The following APBA3 variants were observed in gnomAD, a reference collection of about 807,000 sequenced individuals.
APBA3 encodes amyloid beta precursor protein binding family A member 3.
A neutral mutation model predicts 55.9 loss-of-function variants in APBA3; 45 were observed. The observed-to-expected ratio is 0.80, with a 90% CI of 0.63 to 1.03. The LOEUF (loss-of-function observed/expected upper bound fraction) is 1.03, where lower values mean the gene tolerates loss of function less well. APBA3 is among the 50% of genes least tolerant of loss of function. The pLI is 0.00. For missense variants in APBA3, 865 were observed against 820.3 expected (o/e 1.05, Z -0.67); for synonymous variants, 370 against 353.3 (o/e 1.05, Z -0.53).
In APBA3 at chr19:3,759,865, G is replaced by C. The variant is rs1225459972; in HGVS notation, c.400C>G (p.Pro134Ala). Residue 134 changes from proline to alanine, a missense_variant, in exon 2 of 11, where the codon CCT (proline) becomes GCT (alanine). Coordinates refer to ENST00000316757, the MANE Select transcript of APBA3 (RefSeq NM_004886.4). Reference protein sequence around the residue: ...SQTGPEEPLEPAPRLLQPPED... With the variant: ...SQTGPEEPLEAAPRLLQPPED... ...GGGGGCTGCAACAGTCGGGGGGCAG[G>C]CTCTAGAGGCTCTTCAGGACCAGTC... 1 of 1,612,420 alleles carries C rather than the reference G, an allele frequency of 6.2e-7. No individual in the cohort carries two copies. The highest frequency in any genetic ancestry group is 1.3e-5 in the African/African-American group (1 of 75,006).
At chr19:3,753,171 C>T (rs540080688) in intron 6 of APBA3, 181 bp from the exon 7 acceptor site, 32 of 683,902 alleles carry the variant, frequency 4.7e-5, no homozygotes, top group African/African-American at 2.7e-4. Flanking sequence ...GGGGAATCTA[C>T]GGGGAGAAGG....
At chr19:3,759,483 T>A in intron 3 of APBA3, 78 bp downstream of exon 3, 1 of 1,396,328 alleles carries the variant, frequency 7.2e-7, no homozygotes, top group Non-Finnish European at 9.9e-7. Context: ...ACTGGCAAGC[T>A]GTTGCCAGGC....
chr19:3,751,281 C>T lies in APBA3; in HGVS notation c.1564G>A (p.Val522Ile), dbSNP rs1179290424. The change falls in exon 10 of 11, where the codon GTC (valine) becomes ATC (isoleucine). Residue 522 changes from valine to isoleucine, a missense_variant. Val to Ile is a conservative substitution (Grantham distance 29). Coordinates refer to ENST00000316757, the MANE Select transcript of APBA3 (RefSeq NM_004886.4). ...GGIAERGGIR[V>I]GHRIIEINGQ... ...TTGATCTCAATGATGCGGTGGCCGA[C>T]GCGGATGCCCCCACGCTCGGCGATG... 28 of 1,542,420 alleles carry T rather than the reference C, an allele frequency of 1.8e-5. No individual in the cohort carries two copies. The highest frequency in any genetic ancestry group is 5.5e-5 in the African/African-American group (4 of 73,026).
At chr19:3,754,527 C>G (rs1203914535) in intron 3 of APBA3, 187 bp from the exon 4 acceptor site, 5 of 713,376 alleles carry the variant, frequency 7.0e-6, no homozygotes, top group Non-Finnish European at 1.1e-5. Flanking sequence ...AGGTCTAGAA[C>G]CTTCTGTCCA....
In APBA3 at chr19:3,759,901, G is replaced by A. The variant is rs773522332; in HGVS notation, c.364C>T (p.Pro122Ser). ...LLGLLHCEEC[P>S]PSQTGPEEPL... is the part of the protein sequence containing the mutation. ...TCTTCAGGACCAGTCTGGGAAGGCG[G>A]GCATTCCTCGCAGTGCAAGAGGCCC... is the stretch of plus-strand genomic sequence containing the variant. The change falls in exon 2 of 11, where the codon CCG becomes TCG. Residue 122 changes from proline (P) to serine (S), a missense_variant. Coordinates refer to ENST00000316757, the MANE Select transcript of APBA3 (RefSeq NM_004886.4). 2 of 1,611,738 alleles carry A rather than the reference G, an allele frequency of 1.2e-6. No individual in the cohort carries two copies. Among genetic ancestry groups the A allele is most frequent in the South Asian group, 2.2e-5 (2 of 91,002 alleles).
chr19:3,752,949 G>T lies in APBA3; in HGVS notation c.1053C>A (p.Ala351=), dbSNP rs368458103. The T allele has an allele frequency of 1.3e-4, 206 of 1,613,036 alleles. No individual in the cohort carries two copies. The East Asian group carries it at 3.7e-3, about 29-fold the overall frequency. ...IAQAIGQAFA[A]AYSQFLRESG... ...TTTCCCGTAGGAACTGGCTGTAGGCGGCGGCGAAGGCCTGGCCAATGGCCT... is the reference window on the plus strand; with the variant it reads ...TTTCCCGTAGGAACTGGCTGTAGGCTGCGGCGAAGGCCTGGCCAATGGCCT... The change falls in exon 7 of 11, where the codon GCC becomes GCA. Residue 351 remains alanine (A), a synonymous_variant. Transcript: ENST00000316757.
At position 3,759,841 on chromosome 19, in the gene APBA3, G is replaced by A; in HGVS notation, c.424C>T (p.Pro142Ser). ...LEPAPRLLQP[P>S]EDPDEDSDSP... The stretch of plus-strand genomic sequence containing the variant: ...TCAGAATCCTCATCTGGGTCCTCAG[G>A]GGGCTGCAACAGTCGGGGGGCAGGC... The change falls in exon 2 of 11, where the codon CCT (proline) becomes TCT (serine). Residue 142 changes from proline (P) to serine (S), a missense_variant. Transcript: ENST00000316757. 1 of 1,612,762 alleles carries A rather than the reference G, an allele frequency of 6.2e-7. No individual in the cohort carries two copies. Among genetic ancestry groups the A allele is most frequent in the South Asian group, 1.1e-5 (1 of 91,080 alleles).
chr19:3,758,045 C>T (rs2037099441), intron 3 of APBA3, among the ~76,000 whole-genome samples: 1 of 152,104 alleles, frequency 6.6e-6, no homozygotes, highest in Non-Finnish European at 1.5e-5. Context: ...TGTGATTCTC[C>T]TGCCTCAGCC....
chr19:3,751,053 T>C lies in APBA3; in HGVS notation c.1701A>G (p.Thr567=). 6 of 1,565,376 alleles carry C rather than the reference T, an allele frequency of 3.8e-6. 1 individual carries two copies. The highest frequency in any genetic ancestry group is 5.2e-6 in the Non-Finnish European group (6 of 1,154,716). Reference sequence around the variant, plus strand: ...ACAGGTACACGGGCTGCTCCTGGCCTGTAAGGAGGCGATATGTGGCAGCTG... The same window carrying C: ...ACAGGTACACGGGCTGCTCCTGGCCCGTAAGGAGGCGATATGTGGCAGCTG... ...TMPAATYRLL[T]GQEQPVYL Residue 567 remains threonine (T), a synonymous_variant, in exon 11 of 11, where the codon ACA becomes ACG. Coordinates refer to ENST00000316757, the MANE Select transcript of APBA3 (RefSeq NM_004886.4).
At chr19:3,761,181 T>G (rs2037142428) in intron 1 of APBA3, among the ~76,000 whole-genome samples, 1 of 151,982 alleles carries the variant, frequency 6.6e-6, no homozygotes, top group Non-Finnish European at 1.5e-5. Context: ...TTCTTCCAGG[T>G]CCTCCTCCCT....
chr19:3,753,920 T>C lies in APBA3; in HGVS notation c.856A>G (p.Met286Val), dbSNP rs1041882305. ...KVLTADSQEAMMDHALHTISY... is the reference protein window; with the variant it reads ...KVLTADSQEAVMDHALHTISY... The stretch of plus-strand genomic sequence containing the variant: ...ATGGTATGCAGGGCGTGGTCCATCA[T>C]GGCCTCCTGGGGCGGGAGAGGCAGC... The change falls in exon 6 of 11, where the codon ATG becomes GTG. Residue 286 changes from methionine (M) to valine (V), a missense_variant. By Grantham distance (21) the Met-to-Val change is conservative (BLOSUM62 1). Transcript: ENST00000316757. The C allele has an allele frequency of 1.7e-5, 26 of 1,554,922 alleles. No individual in the cohort carries two copies. Among genetic ancestry groups the C allele is most frequent in the Non-Finnish European group, 2.0e-5 (23 of 1,148,148 alleles).
chr19:3,760,223 T>G lies in APBA3; in HGVS notation c.42A>C (p.Pro14=). The part of the protein sequence containing the change: ...PTISRSPSGP[P]AMDLEGPRDI... ...CCCTGGGCCCCTCCAAGTCCATGGC[T>G]GGAGGCCCCGAAGGGGATCGGGAAA... Residue 14 remains proline (P), a synonymous_variant, in exon 2 of 11, where the codon CCA becomes CCC. Coordinates refer to ENST00000316757, the MANE Select transcript of APBA3 (RefSeq NM_004886.4). The G allele has an allele frequency of 1.9e-6, 3 of 1,610,128 alleles. No individual in the cohort carries two copies. Among genetic ancestry groups the G allele is most frequent in the Non-Finnish European group, 2.5e-6 (3 of 1,179,664 alleles).
rs767514522 is a variant in APBA3 at position 3,760,039 on chromosome 19, G to C, written c.226C>G (p.Pro76Ala). The change falls in exon 2 of 11, where the codon CCA becomes GCA. Residue 76 changes from proline (P) to alanine (A), a missense_variant. Pro to Ala is a conservative substitution (Grantham distance 27). Transcript: ENST00000316757. ...TGTAGGGGACAGGGGGCTCCACCTGGGGATGGGCCCACCAGATCGCCTGGC... is the reference window on the plus strand; with the variant it reads ...TGTAGGGGACAGGGGGCTCCACCTGCGGATGGGCCCACCAGATCGCCTGGC... ...ALPGDLVGPS[P>A]GGAPCPLHIA... 6.2e-7 allele frequency: 1 copy of C among 1,613,240 alleles called. No homozygotes were observed. Among genetic ancestry groups the C allele is most frequent in the South Asian group, 1.1e-5 (1 of 91,084 alleles).
At position 3,751,506 on chromosome 19, in the gene APBA3, AG is replaced by A; in HGVS notation, c.1442del (p.Pro481LeufsTer136). 6.3e-7 allele frequency: 1 copy of A among 1,585,914 alleles called. No individual in the cohort carries two copies. ...TSVTLSIVHC[P>X]PVTTAIIHRP... Reference sequence around the variant, plus strand: ...GGTGGATGATGGCGGTGGTGACGGGAGGGCAGTGGACGATGCTGAGTGTCAC... The same window carrying A: ...GGTGGATGATGGCGGTGGTGACGGGAGGCAGTGGACGATGCTGAGTGTCAC... On this transcript the variant is annotated frameshift_variant, in exon 9 of 11. Transcript: ENST00000316757. LOFTEE classifies it high-confidence loss of function.
chr19:3,753,606 AC>A, intron 6 of APBA3, 158 bp downstream of exon 6: 1 of 715,174 alleles, frequency 1.4e-6, no homozygotes, highest in Non-Finnish European at 2.2e-6. Context: ...TGATTGCGCC[AC>A]TGCACTCCAG....
At chr19:3,753,997 G>A in intron 5 of APBA3, 22 bp downstream of exon 5, 1 of 1,599,534 alleles carries the variant, frequency 6.3e-7, no homozygotes, top group Non-Finnish European at 8.5e-7. Flanking sequence ...CCGCATCCCT[G>A]GGGCGGGTCC....
At position 3,751,282 on chromosome 19, in the gene APBA3, G is replaced by C. The variant is rs370694778; in HGVS notation, c.1563C>G (p.Arg521=). 1.3e-6 allele frequency: 2 copies of C among 1,542,574 alleles called. No individual in the cohort carries two copies. ...TGATCTCAATGATGCGGTGGCCGACGCGGATGCCCCCACGCTCGGCGATGC... is the reference window on the plus strand; with the variant it reads ...TGATCTCAATGATGCGGTGGCCGACCCGGATGCCCCCACGCTCGGCGATGC... The part of the protein sequence containing the change: ...RGGIAERGGI[R]VGHRIIEING... The change falls in exon 10 of 11, where the codon CGC becomes CGG. Residue 521 remains arginine (R), a synonymous_variant. Coordinates refer to ENST00000316757, the MANE Select transcript of APBA3 (RefSeq NM_004886.4).
chr19:3,754,902 A>C (rs571887383), intron 3 of APBA3: 1 of 152,398 alleles, frequency 6.6e-6, no homozygotes, highest in African/African-American at 2.4e-5. Context: ...CCCGACCTCA[A>C]GTGATCCACC....
At chr19:3,757,857 C>T (rs1307986246) in intron 3 of APBA3, among the ~76,000 whole-genome samples, 1 of 152,252 alleles carries the variant, frequency 6.6e-6, no homozygotes, top group Admixed American at 6.5e-5. Flanking sequence ...GCCATTCGAA[C>T]ATCAGAGCAG....
Sources: gnomAD v4.1 joint callset for allele counts (sites outside exome capture counted in the v4.1 genomes callset) on GRCh38, gnomAD v4.1.1 for gene constraint, MANE v1.5 for transcripts, NCBI Gene and HGNC (gene_info 2026-07-23, HGNC 2026-07-21) for gene names.